Variants in MROH1 observed in about 807,000 individuals in gnomAD.
The protein encoded by MROH1 is maestro heat-like repeat-containing protein family member 1.
A neutral mutation model predicts 116.5 loss-of-function variants in MROH1; 117 were observed. The ratio of observed to expected loss-of-function variants is 1.00; its 90% CI spans 0.86 to 1.17. MROH1 has a LOEUF of 1.17. Ranked by LOEUF, MROH1 falls within the 50% of genes most tolerant of loss-of-function variation. The pLI, the probability that MROH1 is intolerant of heterozygous loss-of-function variation, is 0.00. For missense variants in MROH1, 1,873 were observed against 1,338.5 expected (o/e 1.40, Z -6.23); for synonymous variants, 921 against 583.9 (o/e 1.58, Z -8.32).
chr8:144,168,798 T>G (rs1821670261), intron 4 of MROH1, among the ~76,000 whole-genome samples: 1 of 152,170 alleles, frequency 6.6e-6, no homozygotes, highest in South Asian at 2.1e-4. Flanking sequence ...TGAGAGAATC[T>G]CATCAACCCA....
chr8:144,250,882 C>T (rs1842744012), intron 33 of MROH1: 1 of 241,346 alleles, frequency 4.1e-6, no homozygotes, highest in African/African-American at 2.3e-5. Flanking sequence ...TCCCAGCTCC[C>T]AGCAAAGGGC....
chr8:144,162,612 G>A (rs779686324), intron 2 of MROH1, among the ~76,000 whole-genome samples: 37 of 151,124 alleles, frequency 2.4e-4, no homozygotes, highest in Non-Finnish European at 4.6e-4. Context: ...GGCCAGGCTG[G>A]TCTCAAACTC....
chr8:144,256,379 G>T (rs1226832031), intron 35 of MROH1, among the ~76,000 whole-genome samples: 1 of 133,564 alleles, frequency 7.5e-6, no homozygotes, highest in East Asian at 1.9e-4. Flanking sequence ...ACACCAGGGG[G>T]ACAGCCTCAC....
intron 3 of MROH1, among the ~76,000 whole-genome samples, chr8:144,164,093 CT>C (rs776748346): frequency 0.01 from 1,359 of 135,180 alleles, 8 homozygotes; most frequent in African/African-American, 0.025. Context: ...GTTTGTTTTA[CT>C]TTTTTTTTTT....
chr8:144,154,967 G>A (rs1248843049), intron 1 of MROH1, among the ~76,000 whole-genome samples: 2 of 152,122 alleles, frequency 1.3e-5, no homozygotes, highest in African/African-American at 2.4e-5. Context: ...GCAGGCACCC[G>A]CCACCATGCC....
In MROH1 at chr8:144,180,729, C is replaced by T. The variant is rs1382511109; in HGVS notation, c.562+206C>T. On this transcript the variant is annotated intron_variant, in intron 7 of 43. Coordinates refer to ENST00000326134, the MANE Select transcript of MROH1 (RefSeq NM_032450.3). This position sits in a 1 kb window ranked among gnomAD's most constrained non-coding sequence, Gnocchi z 7.4. Reference sequence around the variant, plus strand: ...AGCCTCTGTCTCTTGTTTCTCTCTACTCCTGGAGAGCCCCCCACCTTACAT... The same window carrying T: ...AGCCTCTGTCTCTTGTTTCTCTCTATTCCTGGAGAGCCCCCCACCTTACAT... Among the ~76,000 whole-genome samples the T allele has an allele frequency of 2.0e-5, 3 of 152,182 alleles. No individual in the cohort carries two copies. The highest frequency in any genetic ancestry group is 7.2e-5 in the African/African-American group (3 of 41,448).
At chr8:144,197,195 T>G (rs1168066627) in intron 10 of MROH1, among the ~76,000 whole-genome samples, 5 of 152,162 alleles carry the variant, frequency 3.3e-5, no homozygotes, top group Non-Finnish European at 5.9e-5. Context: ...CCTTGTTAGT[T>G]TACACCCATT....
chr8:144,248,829 T>C (rs1277611600), intron 31 of MROH1, 48 bp from the exon 32 acceptor site: 2 of 767,656 alleles, frequency 2.6e-6, no homozygotes, highest in Admixed American at 1.7e-5. Context: ...AGAAGTGGCG[T>C]TGGGGGTGCC....
At chr8:144,229,950 C>T (rs1838524920) in intron 14 of MROH1, among the ~76,000 whole-genome samples, 2 of 150,174 alleles carry the variant, frequency 1.3e-5, no homozygotes, top group South Asian at 4.1e-4. Context: ...AGGAGAATCA[C>T]TTGAACCTGG....
chr8:144,244,614 T>C, intron 28 of MROH1, 75 bp downstream of exon 28: 3 of 714,112 alleles, frequency 4.2e-6, no homozygotes, highest in Non-Finnish European at 5.2e-6. Context: ...TGGCCCTCTC[T>C]CCACATGTGG....
chr8:144,199,053 T>C, intron 10 of MROH1, 69 bp from the exon 11 acceptor site: 2 of 1,471,994 alleles, frequency 1.4e-6, no homozygotes, highest in Non-Finnish European at 1.9e-6. Context: ...AGGCCCAGAA[T>C]TGTCAGAGGG....
At chr8:144,189,428 C>G (rs1828004119) in intron 7 of MROH1, among the ~76,000 whole-genome samples, 1 of 152,226 alleles carries the variant, frequency 6.6e-6, no homozygotes, top group Non-Finnish European at 1.5e-5. Context: ...GGCCCAGCCC[C>G]ACTGACCACT....
At chr8:144,248,656 A>G (rs1231270745) in intron 31 of MROH1, among the ~76,000 whole-genome samples, 1 of 152,164 alleles carries the variant, frequency 6.6e-6, no homozygotes, top group African/African-American at 2.4e-5. Flanking sequence ...ACCTTCCAGG[A>G]GCCCGCCCAG....
Position 144,169,521 on chromosome 8 carries a change from G to A in MROH1, c.168+1081G>A, listed in dbSNP as rs903918794. On this transcript the variant is annotated intron_variant, in intron 4 of 43. Transcript: ENST00000326134. The stretch of plus-strand genomic sequence containing the variant: ...GGGCTGGAGTGCAGTGGACCATCTC[G>A]GCTCACTGCAACGTCCACCTCCCGG... 9.3e-5 allele frequency among the ~76,000 whole-genome samples: 14 copies of A among 150,310 alleles called. 1 individual carries two copies. The highest frequency in any genetic ancestry group is 6.3e-4 in the South Asian group (3 of 4,794).
rs995191355 is a variant in MROH1 at position 144,163,420 on chromosome 8, T to C, written c.-56-351T>C. 9.2e-5 allele frequency among the ~76,000 whole-genome samples: 14 copies of C among 152,298 alleles called. No individual in the cohort carries two copies. The highest frequency in any genetic ancestry group is 2.9e-4 in the African/African-American group (12 of 41,580). ...TGATGTGTGAAAGCTGTGGTGCCCG[T>C]GCTCAGTTCCTCACAGTGTGGAGGA... On this transcript the variant is annotated intron_variant, in intron 2 of 43. Coordinates refer to ENST00000326134, the MANE Select transcript of MROH1 (RefSeq NM_032450.3). The surrounding 1 kb of genome is among the most constrained non-coding windows in gnomAD (Gnocchi z 4.4).
intron 1 of MROH1, among the ~76,000 whole-genome samples, chr8:144,152,893 C>T (rs1057441583): frequency 6.6e-6 from 1 of 152,174 alleles, no homozygotes; most frequent in Non-Finnish European, 1.5e-5. Flanking sequence ...TTAAAATCTA[C>T]TCTCAGCAAT....
rs564311848 is a variant in MROH1 at position 144,165,479 on chromosome 8, A to G, written c.22+1631A>G. Among the ~76,000 whole-genome samples, 9 of 152,286 alleles carry G rather than the reference A, an allele frequency of 5.9e-5. No individual in the cohort carries two copies. The South Asian group carries it at 1.9e-3, about 32-fold the overall frequency. ...GAGATGAGGTCTCGCTATGTTGCTC[A>G]GGGTGGTCTTGAACGCTTGCCTTCA... On this transcript the variant is annotated intron_variant, in intron 3 of 43. Coordinates refer to ENST00000326134, the MANE Select transcript of MROH1 (RefSeq NM_032450.3).
Position 144,242,592 on chromosome 8 carries a change from T to C in MROH1, c.2326-10T>C, listed in dbSNP as rs1841196817. 2 of 780,204 alleles carry C rather than the reference T, an allele frequency of 2.6e-6. No individual in the cohort carries two copies. The highest frequency in any genetic ancestry group is 1.3e-5 in the South Asian group (1 of 74,586). 48.3% of individuals were successfully genotyped at this position (780,204 alleles called of 1,614,324 possible). Reference sequence around the variant, plus strand: ...TCACGTCTTAACTCATTTCACTTTTTGTTGTTCAGGTTCTAGGAATAAAGG... The same window carrying C: ...TCACGTCTTAACTCATTTCACTTTTCGTTGTTCAGGTTCTAGGAATAAAGG... On this transcript the variant is annotated splice_polypyrimidine_tract_variant and intron_variant, in intron 23 of 43. Transcript: ENST00000326134.
chr8:144,246,144 T>C (rs2133051340), intron 29 of MROH1, among the ~76,000 whole-genome samples: 1 of 148,582 alleles, frequency 6.7e-6, no homozygotes, highest in East Asian at 2.0e-4. Flanking sequence ...AGTCTCTCGC[T>C]CTCACCCAGG....
Sources: allele counts gnomAD v4.1 joint callset (sites outside exome capture counted in the v4.1 genomes callset), GRCh38; gene constraint gnomAD v4.1.1; non-coding constraint Gnocchi (gnomAD v3.1); transcripts MANE v1.5; gene names NCBI Gene and HGNC (gene_info 2026-07-23, HGNC 2026-07-21).